C2CD2: variants seen among roughly 807,000 people sequenced by gnomAD.
C2CD2 encodes C2 domain-containing protein 2.
C2CD2 carries 43 observed loss-of-function variants against 74.3 expected under a neutral mutation model. That is an observed-to-expected ratio of 0.58 (90% CI 0.45 to 0.75). The LOEUF is 0.75. C2CD2 is among the 30% of genes least tolerant of loss of function. The pLI, the probability that C2CD2 is intolerant of heterozygous loss-of-function variation, is 0.00. For missense variants in C2CD2, 801 were observed against 916.3 expected, an observed-to-expected ratio of 0.87 and a Z score of 1.63; for synonymous variants, 422 against 390.7, an observed-to-expected ratio of 1.08 and a Z score of -0.94.
chr21:41,947,232 A>C (rs953714470), intron 1 of C2CD2, among the ~76,000 whole-genome samples: 4 of 146,916 alleles, frequency 2.7e-5, no homozygotes. Context: ...ATCTCGGCTC[A>C]CTGCAACCTC....
Position 41,905,785 on chromosome 21 carries a change from A to G in C2CD2, c.1371T>C (p.Ser457=). The G allele has an allele frequency of 6.2e-7, 1 of 1,612,376 alleles. No homozygotes were observed. ...IKVKVIEKDI[S]VQAIACRSAP... Reference sequence around the variant, plus strand: ...CGCTGCGGCAGGCGATGGCCTGGACAGAGATGTCCTTCTCGATCACCTTCA... The same window carrying G: ...CGCTGCGGCAGGCGATGGCCTGGACGGAGATGTCCTTCTCGATCACCTTCA... Residue 457 remains serine, a synonymous_variant, in exon 11 of 14, where the codon TCT becomes TCC. Coordinates refer to ENST00000380486, the MANE Select transcript of C2CD2 (RefSeq NM_015500.2).
At chr21:41,913,352 C>A (rs1317966700) in intron 6 of C2CD2, among the ~76,000 whole-genome samples, 4 of 152,196 alleles carry the variant, frequency 2.6e-5, no homozygotes, top group African/African-American at 9.6e-5. Flanking sequence ...AATGTGTGGA[C>A]GCTGGACCAC....
chr21:41,942,930 G>A (rs1006135650), intron 1 of C2CD2: 22 of 982,066 alleles, frequency 2.2e-5, no homozygotes, highest in East Asian at 1.1e-4. Flanking sequence ...ACCTGTGCCC[G>A]TGGCTCTGCA....
intron 11 of C2CD2, among the ~76,000 whole-genome samples, chr21:41,902,572 C>T (rs1211369284): frequency 6.6e-6 from 1 of 152,220 alleles, no homozygotes; most frequent in African/African-American, 2.4e-5. Flanking sequence ...GTAACTTACA[C>T]TTTCCTGCTC....
In C2CD2 at chr21:41,901,547, T is replaced by A. The variant is rs747306170; in HGVS notation, c.1560+75A>T. The A allele has an allele frequency of 1.4e-5, 22 of 1,521,994 alleles. No individual in the cohort carries two copies. In the Admixed American group the frequency reaches 3.7e-4, roughly 25 times the overall value. 94.3% of individuals were successfully genotyped at this position (1,521,994 alleles called of 1,614,324 possible). ...CGTTAACCAAGTGCTTGGGCTAACT[T>A]CTTCAAAGGGCAGAGGAGCAGCAGG... On this transcript the variant is annotated intron_variant, in intron 12 of 13. Coordinates refer to ENST00000380486, the MANE Select transcript of C2CD2 (RefSeq NM_015500.2).
At chr21:41,946,681 G>C (rs62216680) in intron 1 of C2CD2, among the ~76,000 whole-genome samples, 189 of 152,218 alleles carry the variant, frequency 1.2e-3, no homozygotes, top group Non-Finnish European at 2.2e-3. Flanking sequence ...ACTAATACAG[G>C]AGGAGACATA....
chr21:41,925,102 T>G (rs2065195543), intron 2 of C2CD2, among the ~76,000 whole-genome samples: 1 of 152,188 alleles, frequency 6.6e-6, no homozygotes, highest in Non-Finnish European at 1.5e-5. Context: ...TCCCCAACCC[T>G]AGGGCTTCGC....
intron 8 of C2CD2, chr21:41,908,318 G>A (rs778359550): frequency 6.4e-6 from 1 of 156,608 alleles, no homozygotes; most frequent in Non-Finnish European, 1.4e-5. Context: ...ACAAATAGTA[G>A]AGGAAACTGG....
intron 1 of C2CD2, among the ~76,000 whole-genome samples, chr21:41,946,227 A>G (rs1372501476): frequency 6.6e-6 from 1 of 152,206 alleles, no homozygotes; most frequent in Non-Finnish European, 1.5e-5. Flanking sequence ...TACAGGCTCA[A>G]AGCATCTCCC....
At chr21:41,915,356 A>G (rs2065077199) in intron 5 of C2CD2, among the ~76,000 whole-genome samples, 1 of 152,174 alleles carries the variant, frequency 6.6e-6, no homozygotes, top group South Asian at 2.1e-4. Context: ...TTTCCAACAG[A>G]AAGCACCCCC....
At chr21:41,912,781 G>A (rs1272557006) in intron 6 of C2CD2, among the ~76,000 whole-genome samples, 2 of 152,138 alleles carry the variant, frequency 1.3e-5, no homozygotes, top group East Asian at 1.9e-4. Flanking sequence ...GAGCTACCGC[G>A]CCCAGCATTA....
intron 2 of C2CD2, among the ~76,000 whole-genome samples, chr21:41,938,666 C>A (rs1469654725): frequency 6.6e-6 from 1 of 152,066 alleles, no homozygotes; most frequent in Non-Finnish European, 1.5e-5. Flanking sequence ...CCTTTCACAT[C>A]TGGCTTATTT....
chr21:41,926,739 A>G lies in C2CD2; in HGVS notation c.379-4654T>C, dbSNP rs1262585062. On this transcript the variant is annotated intron_variant, in intron 2 of 13. Transcript: ENST00000380486. The surrounding 1 kb of genome is among the most constrained non-coding windows in gnomAD (Gnocchi z 8.0). Reference sequence around the variant, plus strand: ...TTTCCTTTTCAATTAAGCTTCCTGTACAGCTGCCTCGGCTCCTTCTCTTAG... The same window carrying G: ...TTTCCTTTTCAATTAAGCTTCCTGTGCAGCTGCCTCGGCTCCTTCTCTTAG... 2.5e-5 allele frequency: 10 copies of G among 407,364 alleles called. No homozygotes were observed. Among genetic ancestry groups the G allele is most frequent in the Non-Finnish European group, 3.3e-5 (10 of 301,806 alleles). 25.2% of individuals were successfully genotyped at this position (407,364 alleles called of 1,614,324 possible).
rs2065186189 is a variant in C2CD2 at position 41,924,327 on chromosome 21, A to G, written c.379-2242T>C. ...GGGCACTAAGGCCCGGGCAGGGGTC[A>G]ACATCCAATATCCACAACCAAATAC... On this transcript the variant is annotated intron_variant, in intron 2 of 13. Coordinates refer to ENST00000380486, the MANE Select transcript of C2CD2 (RefSeq NM_015500.2). The surrounding 1 kb of genome is among the most constrained non-coding windows in gnomAD (Gnocchi z 4.4). Among the ~76,000 whole-genome samples, 1 of 152,194 alleles carries G rather than the reference A, an allele frequency of 6.6e-6. No homozygotes were observed. Among genetic ancestry groups the G allele is most frequent in the Non-Finnish European group, 1.5e-5 (1 of 68,038 alleles).
chr21:41,891,175 A>AGCCTGT (rs1460455414), intron 13 of C2CD2, among the ~76,000 whole-genome samples: 8 of 114,348 alleles, frequency 7.0e-5, no homozygotes, highest in Admixed American at 6.3e-4. Context: ...TAAAGTTAGG[A>AGCCTGT]GCCTGTGTGC....
rs1405722308 is a variant in C2CD2, at chr21:41,898,946, T to C, written c.1870+107A>G. 10 of 843,030 alleles carry C rather than the reference T, an allele frequency of 1.2e-5. No homozygotes were observed. In the Admixed American group the frequency reaches 1.5e-4, roughly 13 times the overall value. The allele number at this position is 843,030 out of a possible 1,614,324, so 52.2% of individuals were successfully genotyped here. On this transcript the variant is annotated intron_variant, in intron 13 of 13. Coordinates refer to ENST00000380486, the MANE Select transcript of C2CD2 (RefSeq NM_015500.2). ...GGCAGGGGTGAGGCTGGGAGGGAGT[T>C]TGTAGGGGACAAAGGGAAGGAAGGC...
At position 41,907,683 on chromosome 21, in the gene C2CD2, C is replaced by A. The variant is rs1264257098; in HGVS notation, c.1120G>T (p.Val374Leu). The change falls in exon 9 of 14, where the codon GTG becomes TTG. Residue 374 changes from valine to leucine, a missense_variant. Transcript: ENST00000380486. The stretch of plus-strand genomic sequence containing the variant: ...ACCTCTGCCGTGACCGAGCCCAGCA[C>A]CGAGCTGCCGCAGGCAGACCCGCTG... ...LTSGSACGSSVLGSVTAEFSY... is the reference protein window; with the variant it reads ...LTSGSACGSSLLGSVTAEFSY... The A allele has an allele frequency of 6.2e-7, 1 of 1,612,166 alleles. No individual in the cohort carries two copies. The highest frequency in any genetic ancestry group is 1.1e-5 in the South Asian group (1 of 90,996).
rs1039016107 is a variant in C2CD2, at chr21:41,929,478, C to G, written c.379-7393G>C. On this transcript the variant is annotated intron_variant, in intron 2 of 13. Coordinates refer to ENST00000380486, the MANE Select transcript of C2CD2 (RefSeq NM_015500.2). This position sits in a 1 kb window ranked among gnomAD's most constrained non-coding sequence, Gnocchi z 4.6. Reference sequence around the variant, plus strand: ...GGGCCCCTACACAACAGACACAGACCCTGTGGCTCAGAGAAAGAAGGAAGT... The same window carrying G: ...GGGCCCCTACACAACAGACACAGACGCTGTGGCTCAGAGAAAGAAGGAAGT... 1.3e-5 allele frequency among the ~76,000 whole-genome samples: 2 copies of G among 152,130 alleles called. No individual in the cohort carries two copies. Among genetic ancestry groups the G allele is most frequent in the Non-Finnish European group, 2.9e-5 (2 of 67,998 alleles).
chr21:41,941,215 G>A (rs2065351551), intron 2 of C2CD2, among the ~76,000 whole-genome samples: 1 of 152,066 alleles, frequency 6.6e-6, no homozygotes, highest in South Asian at 2.1e-4. Flanking sequence ...TAAAAAATTA[G>A]CCAGGCACGG....
Sources: allele counts gnomAD v4.1 joint callset (sites outside exome capture counted in the v4.1 genomes callset), GRCh38; gene constraint gnomAD v4.1.1; non-coding constraint Gnocchi (gnomAD v3.1); transcripts MANE v1.5; gene names NCBI Gene and HGNC (gene_info 2026-07-23, HGNC 2026-07-21).